Variants in OR6C74 observed in about 807,000 individuals in gnomAD.
OR6C74 encodes the protein olfactory receptor family 6 subfamily C member 74, also known as olfactory receptor 6C74.
For missense variants in OR6C74, 361 were observed against 362.9 expected, an observed-to-expected ratio of 0.99 and a Z score of 0.04; for synonymous variants, 142 against 134.2, an observed-to-expected ratio of 1.06 and a Z score of -0.40.
Position 55,253,329 on chromosome 12 carries a change from G to A in OR6C74, c.*5103G>A, listed in dbSNP as rs1954323209. On this transcript the variant is annotated 3_prime_UTR_variant, in exon 2 of 2. Transcript: ENST00000343399. ...AAATTTATCTGTGTTAGGAGAGGCA[G>A]ACAGTTGAGTTCAATGGGTATGTGG... is the stretch of plus-strand genomic sequence containing the variant. 6.6e-6 allele frequency among the ~76,000 whole-genome samples: 1 copy of A among 152,074 alleles called. No individual in the cohort carries two copies. Among genetic ancestry groups the A allele is most frequent in the African/African-American group, 2.4e-5 (1 of 41,448 alleles).
At position 55,247,724 on chromosome 12, in the gene OR6C74, C is replaced by T; in HGVS notation, c.437C>T (p.Ser146Leu). 6.2e-7 allele frequency: 1 copy of T among 1,614,032 alleles called. No individual in the cohort carries two copies. Among genetic ancestry groups the T allele is most frequent in the Non-Finnish European group, 8.5e-7 (1 of 1,180,002 alleles). The change falls in exon 2 of 2, where the codon TCA becomes TTA. Residue 146 changes from serine (S) to leucine (L), a missense_variant. Physicochemically the swap from Ser to Leu is moderately radical, Grantham distance 145. Transcript: ENST00000343399. ...SRVCSLLVFA[S>L]WMAGFLIIFP... ...GTTTGCAGCTTGCTGGTCTTTGCTTCATGGATGGCTGGCTTCCTAATAATT... is the reference window on the plus strand; with the variant it reads ...GTTTGCAGCTTGCTGGTCTTTGCTTTATGGATGGCTGGCTTCCTAATAATT...
Position 55,249,076 on chromosome 12 carries a change from C to T in OR6C74, c.*850C>T, listed in dbSNP as rs1001282041. On this transcript the variant is annotated 3_prime_UTR_variant, in exon 2 of 2. Coordinates refer to ENST00000343399, the MANE Select transcript of OR6C74 (RefSeq NM_001005490.2). The stretch of plus-strand genomic sequence containing the variant: ...TTTTAGCAAAACGAAGTGAAAATCT[C>T]TCTCTGCTCTTAAGTCACTTAGAAT... Among the ~76,000 whole-genome samples the T allele has an allele frequency of 1.3e-5, 2 of 152,166 alleles. No individual in the cohort carries two copies. The highest frequency in any genetic ancestry group is 1.5e-5 in the Non-Finnish European group (1 of 68,028).
At chr12:55,245,888 G>A (rs1954267416) in intron 1 of OR6C74, among the ~76,000 whole-genome samples, 1 of 151,280 alleles carries the variant, frequency 6.6e-6, no homozygotes, top group Non-Finnish European at 1.5e-5. Context: ...TTAGAAAAAT[G>A]ATCAACCAAA....
rs542652152 is a variant in OR6C74, at chr12:55,245,468, C to T, written c.-10+651C>T. 6.6e-5 allele frequency among the ~76,000 whole-genome samples: 10 copies of T among 152,052 alleles called. No homozygotes were observed. In the South Asian group the frequency reaches 2.1e-3, roughly 32 times the overall value. On this transcript the variant is annotated intron_variant, in intron 1 of 1. Transcript: ENST00000343399. ...CATGTTGCATTCAATGTTATTTAAA[C>T]ATTTCATGTAAAATCTACTTTTCAT...
At position 55,253,180 on chromosome 12, in the gene OR6C74, A is replaced by T. The variant is rs1256385171; in HGVS notation, c.*4954A>T. Among the ~76,000 whole-genome samples, 1 of 152,116 alleles carries T rather than the reference A, an allele frequency of 6.6e-6. No homozygotes were observed. Among genetic ancestry groups the T allele is most frequent in the Non-Finnish European group, 1.5e-5 (1 of 67,968 alleles). On this transcript the variant is annotated 3_prime_UTR_variant, in exon 2 of 2. Transcript: ENST00000343399. The stretch of plus-strand genomic sequence containing the variant: ...TCCATAAACATTCATTCCCAAAATC[A>T]ATAACTGGATATTTAGTGCCAGAAT...
rs958996596 is a variant in OR6C74 at position 55,251,440 on chromosome 12, G to A, written c.*3214G>A. 1.3e-5 allele frequency among the ~76,000 whole-genome samples: 2 copies of A among 151,808 alleles called. No individual in the cohort carries two copies. Among genetic ancestry groups the A allele is most frequent in the African/African-American group, 4.8e-5 (2 of 41,364 alleles). ...TTTCTACATTCTCTTCATCCAAGCC[G>A]GTGCCTAGTAAGGAATAAATAAAAT... On this transcript the variant is annotated 3_prime_UTR_variant, in exon 2 of 2. Transcript: ENST00000343399.
rs938552718 is a variant in OR6C74, at chr12:55,248,004, T to C, written c.717T>C (p.Cys239=). 6.2e-7 allele frequency: 1 copy of C among 1,614,112 alleles called. No individual in the cohort carries two copies. Among genetic ancestry groups the C allele is most frequent in the South Asian group, 1.1e-5 (1 of 91,086 alleles). Residue 239 remains cysteine (C), a synonymous_variant, in exon 2 of 2, where the codon TGT becomes TGC. Transcript: ENST00000343399. ...SQQRKKAFST[C]SSHMVVVSIS... is the part of the protein sequence containing the mutation. The stretch of plus-strand genomic sequence containing the variant: ...AGAGAAAAAAAGCATTTTCTACATG[T>C]TCTTCCCACATGGTGGTCGTGTCCA...
chr12:55,248,679 T>C lies in OR6C74; in HGVS notation c.*453T>C, dbSNP rs1287906161. Among the ~76,000 whole-genome samples, 3 of 151,716 alleles carry C rather than the reference T, an allele frequency of 2.0e-5. No homozygotes were observed. Among genetic ancestry groups the C allele is most frequent in the Non-Finnish European group, 4.4e-5 (3 of 68,036 alleles). Reference sequence around the variant, plus strand: ...TTCTTTCTTAGTGTTTAGTAGAATCTCGAAGCAAATCAATTTAATGGCATT... The same window carrying C: ...TTCTTTCTTAGTGTTTAGTAGAATCCCGAAGCAAATCAATTTAATGGCATT... On this transcript the variant is annotated 3_prime_UTR_variant, in exon 2 of 2. Coordinates refer to ENST00000343399, the MANE Select transcript of OR6C74 (RefSeq NM_001005490.2).
Position 55,251,135 on chromosome 12 carries a change from A to G in OR6C74, c.*2909A>G, listed in dbSNP as rs1954308897. ...CTTATCTCTTCCAACTAGTACTTCTATGATGTAACCACACTAAACAACTAA... is the reference window on the plus strand; with the variant it reads ...CTTATCTCTTCCAACTAGTACTTCTGTGATGTAACCACACTAAACAACTAA... On this transcript the variant is annotated 3_prime_UTR_variant, in exon 2 of 2. Transcript: ENST00000343399. 6.6e-6 allele frequency among the ~76,000 whole-genome samples: 1 copy of G among 152,062 alleles called. No homozygotes were observed. Among genetic ancestry groups the G allele is most frequent in the African/African-American group, 2.4e-5 (1 of 41,424 alleles).
Position 55,250,984 on chromosome 12 carries a change from C to G in OR6C74, c.*2758C>G, listed in dbSNP as rs184039489. Reference sequence around the variant, plus strand: ...CATCCTCCACATTGCTAGTAGGATACTTTCTAAAATACAAATCAGTCATGC... The same window carrying G: ...CATCCTCCACATTGCTAGTAGGATAGTTTCTAAAATACAAATCAGTCATGC... On this transcript the variant is annotated 3_prime_UTR_variant, in exon 2 of 2. Transcript: ENST00000343399. Among the ~76,000 whole-genome samples, 3 of 152,062 alleles carry G rather than the reference C, an allele frequency of 2.0e-5. No individual in the cohort carries two copies. The highest frequency in any genetic ancestry group is 4.4e-5 in the Non-Finnish European group (3 of 67,984).
intron 1 of OR6C74, among the ~76,000 whole-genome samples, chr12:55,246,639 A>G (rs1419618741): frequency 6.6e-6 from 1 of 152,216 alleles, no homozygotes; most frequent in East Asian, 1.9e-4. Flanking sequence ...TACAGAAAAG[A>G]GAACAAGCAG....
At chr12:55,245,029 A>G (rs996205062) in intron 1 of OR6C74, among the ~76,000 whole-genome samples, 6 of 152,146 alleles carry the variant, frequency 3.9e-5, no homozygotes, top group African/African-American at 7.2e-5. Flanking sequence ...GGAAAAAATT[A>G]TGTCTTTATT....
Position 55,252,486 on chromosome 12 carries a change from G to A in OR6C74, c.*4260G>A, listed in dbSNP as rs1954317751. On this transcript the variant is annotated 3_prime_UTR_variant, in exon 2 of 2. Transcript: ENST00000343399. ...TGCATTTTTATGTAATTTTCTAAAA[G>A]CACACAAATGTTTTAAAATATTAAA... Among the ~76,000 whole-genome samples the A allele has an allele frequency of 6.6e-6, 1 of 151,362 alleles. No individual in the cohort carries two copies. The highest frequency in any genetic ancestry group is 2.4e-5 in the African/African-American group (1 of 41,222).
At position 55,254,127 on chromosome 12, in the gene OR6C74, T is replaced by A. The variant is rs1954327801; in HGVS notation, c.*5901T>A. ...ATAGCCTCTGACTTTCCATGATCCA[T>A]CATGTCCACTGAAATCAGGGAGTTC... is the stretch of plus-strand genomic sequence containing the variant. On this transcript the variant is annotated 3_prime_UTR_variant, in exon 2 of 2. Coordinates refer to ENST00000343399, the MANE Select transcript of OR6C74 (RefSeq NM_001005490.2). Among the ~76,000 whole-genome samples, 1 of 152,108 alleles carries A rather than the reference T, an allele frequency of 6.6e-6. No homozygotes were observed. Among genetic ancestry groups the A allele is most frequent in the South Asian group, 2.1e-4 (1 of 4,830 alleles).
At chr12:55,246,610 T>G (rs1262953654) in intron 1 of OR6C74, among the ~76,000 whole-genome samples, 1 of 152,190 alleles carries the variant, frequency 6.6e-6, no homozygotes, top group Non-Finnish European at 1.5e-5. Flanking sequence ...AGGATAGAGT[T>G]TATATCTGCT....
Position 55,251,781 on chromosome 12 carries a change from C to A in OR6C74, c.*3555C>A, listed in dbSNP as rs1026826127. On this transcript the variant is annotated 3_prime_UTR_variant, in exon 2 of 2. Coordinates refer to ENST00000343399, the MANE Select transcript of OR6C74 (RefSeq NM_001005490.2). Reference sequence around the variant, plus strand: ...CTGTTTAGTTTTATCCTTTAAAAATCTTTTGAAGTAAAAGAATAGTCAATA... The same window carrying A: ...CTGTTTAGTTTTATCCTTTAAAAATATTTTGAAGTAAAAGAATAGTCAATA... Among the ~76,000 whole-genome samples, 2 of 151,654 alleles carry A rather than the reference C, an allele frequency of 1.3e-5. No individual in the cohort carries two copies. Among genetic ancestry groups the A allele is most frequent in the Non-Finnish European group, 3.0e-5 (2 of 67,778 alleles).
At position 55,256,118 on chromosome 12, in the gene OR6C74, A is replaced by G. The variant is rs1382557166; in HGVS notation, c.*7892A>G. Among the ~76,000 whole-genome samples the G allele has an allele frequency of 6.6e-6, 1 of 152,038 alleles. No individual in the cohort carries two copies. Among genetic ancestry groups the G allele is most frequent in the African/African-American group, 2.4e-5 (1 of 41,376 alleles). On this transcript the variant is annotated 3_prime_UTR_variant, in exon 2 of 2. Coordinates refer to ENST00000343399, the MANE Select transcript of OR6C74 (RefSeq NM_001005490.2). ...GACTGCCAGAATGAGCCAACAGCAC[A>G]TGATGTGCTTCCCCCTGCAGAGAGC... is the stretch of plus-strand genomic sequence containing the variant.
chr12:55,248,232 T>C lies in OR6C74; in HGVS notation c.*6T>C, dbSNP rs879783248. 6.5e-7 allele frequency: 1 copy of C among 1,539,072 alleles called. No individual in the cohort carries two copies. Among genetic ancestry groups the C allele is most frequent in the Non-Finnish European group, 8.9e-7 (1 of 1,118,664 alleles). ...AACTTTTCTCAATGAAATGAATCAC[T>C]TTAACGATATTATTAAGGTTATTAG... On this transcript the variant is annotated 3_prime_UTR_variant, in exon 2 of 2. Coordinates refer to ENST00000343399, the MANE Select transcript of OR6C74 (RefSeq NM_001005490.2).
rs1954324721 is a variant in OR6C74 at position 55,253,624 on chromosome 12, A to G, written c.*5398A>G. On this transcript the variant is annotated 3_prime_UTR_variant, in exon 2 of 2. Transcript: ENST00000343399. ...GACTCCAATTTCTTCCACTCTTATA[A>G]GTAAACACACTGGCATTTTATAGTC... Among the ~76,000 whole-genome samples the G allele has an allele frequency of 6.6e-6, 1 of 152,088 alleles. No individual in the cohort carries two copies. Among genetic ancestry groups the G allele is most frequent in the Admixed American group, 6.6e-5 (1 of 15,260 alleles).
Sources: allele counts gnomAD v4.1 joint callset (sites outside exome capture counted in the v4.1 genomes callset), GRCh38; gene constraint gnomAD v4.1.1; transcripts MANE v1.5; gene names NCBI Gene and HGNC (gene_info 2026-07-23, HGNC 2026-07-21).